Variants in GRID2 observed in about 807,000 individuals in gnomAD.
GRID2 encodes the protein glutamate receptor ionotropic, delta-2.
GRID2 carries 33 observed loss-of-function variants against 114.8 expected under a neutral mutation model. The observed-to-expected ratio is 0.29, with a 90% CI of 0.22 to 0.38. The LOEUF is 0.38. Ranked by LOEUF, GRID2 falls within the 10% of genes least tolerant of loss-of-function variation. GRID2 has a pLI of 1.00. For synonymous variants in GRID2, 505 were observed against 449.9 expected (o/e 1.12, Z -1.55); for missense variants, 1,184 against 1,257.7 (o/e 0.94, Z 0.89).
At chr4:92,336,947 CGTT>C (rs201668085) in intron 1 of GRID2, among the ~76,000 whole-genome samples, 5,346 of 82,070 alleles carry the variant, frequency 0.065, 377 homozygotes, top group East Asian at 0.16. Context: ...TCAGGTCTTT[CGTT>C]GTTGTTTTTT....
At chr4:93,341,084 C>G (rs1027484161) in intron 8 of GRID2, among the ~76,000 whole-genome samples, 5 of 152,078 alleles carry the variant, frequency 3.3e-5, no homozygotes, top group Admixed American at 6.6e-5. Context: ...ACCAGATATA[C>G]AGAAATCTTT....
At chr4:93,643,937 TCA>T (rs1721851675) in intron 14 of GRID2, among the ~76,000 whole-genome samples, 1 of 103,750 alleles carries the variant, frequency 9.6e-6, no homozygotes, top group Non-Finnish European at 1.9e-5. Context: ...CAGTTTGATC[TCA>T]GACTGCTGTG....
At chr4:93,154,634 A>G (rs1034715312) in intron 4 of GRID2, among the ~76,000 whole-genome samples, 2 of 152,034 alleles carry the variant, frequency 1.3e-5, no homozygotes, top group Non-Finnish European at 1.5e-5. Flanking sequence ...GAAATATCTT[A>G]AAAGTATCTG....
chr4:92,808,706 T>C (rs1386760776), intron 2 of GRID2, among the ~76,000 whole-genome samples: 1 of 151,990 alleles, frequency 6.6e-6, no homozygotes, highest in African/African-American at 2.4e-5. Context: ...ATACACACTA[T>C]TGTTTTGAGG....
At chr4:93,255,728 G>T (rs1749504763) in intron 8 of GRID2, among the ~76,000 whole-genome samples, 1 of 152,038 alleles carries the variant, frequency 6.6e-6, no homozygotes, top group Non-Finnish European at 1.5e-5. Context: ...CTGCCATGTT[G>T]TGACACAGCA....
At chr4:93,433,078 T>C (rs536849770) in intron 10 of GRID2, among the ~76,000 whole-genome samples, 35 of 152,196 alleles carry the variant, frequency 2.3e-4, no homozygotes, top group African/African-American at 8.4e-4. Flanking sequence ...CCAATAATGA[T>C]TGTAAGGTTC....
rs1215471358 is a variant in GRID2, at chr4:93,643,976, G to A, written c.2360+17541G>A. 6.0e-5 allele frequency among the ~76,000 whole-genome samples: 6 copies of A among 100,742 alleles called. 1 individual carries two copies. Among genetic ancestry groups the A allele is most frequent in the South Asian group, 6.4e-4 (2 of 3,110 alleles). The allele number at this position is 100,742 out of a possible 152,430, so 66.1% of individuals were successfully genotyped here. On this transcript the variant is annotated intron_variant, in intron 14 of 15. Coordinates refer to ENST00000282020, the MANE Select transcript of GRID2 (RefSeq NM_001510.4). ...TAGCAATCCGCGAGATTCCGTGGGC[G>A]TAGGACCCTCCGAGCCAGGTGTGGG...
intron 1 of GRID2, 46 bp from the exon 2 acceptor site, chr4:92,590,085 A>C: frequency 7.6e-7 from 1 of 1,322,144 alleles, no homozygotes; most frequent in Admixed American, 1.7e-5. Context: ...AGGGGATGAC[A>C]GAATATTTAT....
rs191902338 is a variant in GRID2, at chr4:92,686,324, A to C, written c.244+96038A>C. The stretch of plus-strand genomic sequence containing the variant: ...TAATTGGTAATGACAAAAAATAAAT[A>C]ATAATAAAATTTTAAATGCTATTTC... On this transcript the variant is annotated intron_variant, in intron 2 of 15. Transcript: ENST00000282020. Among the ~76,000 whole-genome samples the C allele has an allele frequency of 3.2e-4, 48 of 152,196 alleles. No homozygotes were observed. The East Asian group carries it at 8.9e-3, about 28-fold the overall frequency.
At chr4:93,511,915 GGGATTACA>G (rs1406832055) in intron 12 of GRID2, among the ~76,000 whole-genome samples, 2 of 151,696 alleles carry the variant, frequency 1.3e-5, no homozygotes, top group Non-Finnish European at 1.5e-5. Context: ...CTGAGTATCT[GGGATTACA>G]GGTGCATGCC....
At chr4:93,227,029 GC>G (rs2149494961) in intron 7 of GRID2, among the ~76,000 whole-genome samples, 1 of 152,294 alleles carries the variant, frequency 6.6e-6, no homozygotes, top group African/African-American at 2.4e-5. Context: ...TGGACAGGGA[GC>G]CCATGATGAG....
chr4:92,632,932 GAATATAAA>G (rs1392234460), intron 2 of GRID2, among the ~76,000 whole-genome samples: 1 of 151,992 alleles, frequency 6.6e-6, no homozygotes, highest in Non-Finnish European at 1.5e-5. Context: ...GTATCTATAA[GAATATAAA>G]ATCATTTACT....
chr4:92,973,504 G>T (rs1045624978), intron 2 of GRID2, among the ~76,000 whole-genome samples: 4 of 152,096 alleles, frequency 2.6e-5, no homozygotes, highest in Admixed American at 6.5e-5. Flanking sequence ...GTGTAAATGA[G>T]AAAATACTAT....
At chr4:92,418,885 T>A (rs2110319303) in intron 1 of GRID2, among the ~76,000 whole-genome samples, 1 of 152,190 alleles carries the variant, frequency 6.6e-6, no homozygotes, top group African/African-American at 2.4e-5. Context: ...TGGCCTTTAT[T>A]TTTACTTCTT....
chr4:92,392,255 C>T (rs1280574654), intron 1 of GRID2, among the ~76,000 whole-genome samples: 2 of 152,030 alleles, frequency 1.3e-5, no homozygotes, highest in African/African-American at 4.8e-5. Context: ...GTGTGCACCC[C>T]TTGAGAAGCA....
At chr4:92,897,826 A>G (rs939255637) in intron 2 of GRID2, among the ~76,000 whole-genome samples, 1 of 152,332 alleles carries the variant, frequency 6.6e-6, no homozygotes, top group Non-Finnish European at 1.5e-5. Context: ...GAAAACTGGG[A>G]AAAAGGCCAC....
chr4:93,618,353 T>G (rs976269155), intron 13 of GRID2, among the ~76,000 whole-genome samples: 1 of 152,218 alleles, frequency 6.6e-6, no homozygotes, highest in Non-Finnish European at 1.5e-5. Flanking sequence ...ACTCACTACA[T>G]GGATTATTCT....
At chr4:93,784,279 T>A (rs988032243) in intron 1 of GRID2, among the ~76,000 whole-genome samples, 3 of 152,074 alleles carry the variant, frequency 2.0e-5, no homozygotes, top group Non-Finnish European at 4.4e-5. Flanking sequence ...TAGATGATCT[T>A]ATTAAATTAC....
intron 4 of GRID2, among the ~76,000 whole-genome samples, chr4:93,173,806 GT>G (rs1323795065): frequency 6.6e-6 from 1 of 151,988 alleles, no homozygotes; most frequent in Non-Finnish European, 1.5e-5. Flanking sequence ...ATTTTTATAT[GT>G]TTTTGGTAGA....
Sources: allele counts gnomAD v4.1 joint callset (sites outside exome capture counted in the v4.1 genomes callset), GRCh38; gene constraint gnomAD v4.1.1; transcripts MANE v1.5; gene names NCBI Gene and HGNC (gene_info 2026-07-23, HGNC 2026-07-21).